The following PM20D2 variants were observed in gnomAD, a reference collection of about 807,000 sequenced individuals.
PM20D2 encodes peptidase M20 domain containing 2, also known as xaa-Arg dipeptidase.
PM20D2 carries 33 observed loss-of-function variants against 42.9 expected under a neutral mutation model. That is an observed-to-expected ratio of 0.77 (90% CI 0.58 to 1.03). The LOEUF (loss-of-function observed/expected upper bound fraction) is 1.03. Among genes scored for constraint, PM20D2 ranks in the 50% least tolerant of loss-of-function variants. The pLI, the probability that PM20D2 is intolerant of heterozygous loss-of-function variation, is 0.00. For synonymous variants in PM20D2, 250 were observed against 228.2 expected, an observed-to-expected ratio of 1.10 and a Z score of -0.86; for missense variants, 548 against 557.0, an observed-to-expected ratio of 0.98 and a Z score of 0.16.
intron 5 of PM20D2, among the ~76,000 whole-genome samples, chr6:89,161,181 T>G (rs1008455007): frequency 6.6e-6 from 1 of 152,120 alleles, no homozygotes; most frequent in Non-Finnish European, 1.5e-5. Context: ...ATCATGAGTT[T>G]GACTTTAGAT....
At chr6:89,151,325 G>C (rs1278728056) in intron 2 of PM20D2, among the ~76,000 whole-genome samples, 2 of 151,398 alleles carry the variant, frequency 1.3e-5, no homozygotes, top group Non-Finnish European at 2.9e-5. Context: ...CCGCCTCTGG[G>C]TTCAAGGGAT....
In PM20D2 at chr6:89,149,303, T is replaced by G. The variant is rs897718019; in HGVS notation, c.504T>G (p.Gly168=). The G allele has an allele frequency of 8.1e-6, 13 of 1,614,092 alleles. No individual in the cohort carries two copies. Among genetic ancestry groups the G allele is most frequent in the Non-Finnish European group, 1.1e-5 (13 of 1,179,970 alleles). The part of the protein sequence containing the change: ...VLGTPAEEDG[G]GKIDLIEAGA... ...GAACCCCTGCAGAAGAAGATGGTGG[T>G]GGCAAAATTGATTTAATTGAAGCAG... is the stretch of plus-strand genomic sequence containing the variant. Residue 168 remains glycine (G), a synonymous_variant, in exon 2 of 7, where the codon GGT becomes GGG. Transcript: ENST00000275072.
the PM20D2 span, among the ~76,000 whole-genome samples, chr6:89,108,294 CCTTACAACCA>C: frequency 2.6e-5 from 4 of 152,306 alleles, no homozygotes; most frequent in East Asian, 7.7e-4. Context: ...CCAGTGTTCA[CCTTACAACCA>C]CTTAATTCTT....
the PM20D2 span, among the ~76,000 whole-genome samples, chr6:89,108,901 T>A: frequency 1.3e-5 from 2 of 152,236 alleles, no homozygotes; most frequent in Admixed American, 1.3e-4. Context: ...GCATCTACTT[T>A]TTGCCAGTAG....
At chr6:89,160,391 A>G (rs1327442498) in intron 5 of PM20D2, among the ~76,000 whole-genome samples, 1 of 152,196 alleles carries the variant, frequency 6.6e-6, no homozygotes, top group Non-Finnish European at 1.5e-5. Flanking sequence ...AATACATACA[A>G]AGCACTTAGG....
At chr6:89,118,970 G>C in the PM20D2 span, among the ~76,000 whole-genome samples, 1 of 152,222 alleles carries the variant, frequency 6.6e-6, no homozygotes, top group Non-Finnish European at 1.5e-5. Context: ...GGCACAGCCT[G>C]TTATTCAGGG....
At chr6:89,156,392 C>T (rs1368162728) in intron 4 of PM20D2, among the ~76,000 whole-genome samples, 3 of 152,102 alleles carry the variant, frequency 2.0e-5, no homozygotes, top group Non-Finnish European at 4.4e-5. Flanking sequence ...CATTTTCTTG[C>T]TTGAAAAATG....
intron 5 of PM20D2, among the ~76,000 whole-genome samples, chr6:89,159,004 A>G (rs536372224): frequency 2.0e-5 from 3 of 152,146 alleles, no homozygotes; most frequent in Non-Finnish European, 4.4e-5. Context: ...GGTGGTGAAA[A>G]TGGGGTGTCG....
intron 1 of PM20D2, among the ~76,000 whole-genome samples, chr6:89,147,135 G>C (rs1207336071): frequency 6.6e-6 from 1 of 152,166 alleles, no homozygotes; most frequent in African/African-American, 2.4e-5. Context: ...ACCCCTAGAA[G>C]TATACAAATA....
chr6:89,142,672 T>A (rs1024504917), upstream of PM20D2, among the ~76,000 whole-genome samples: 7 of 151,862 alleles, frequency 4.6e-5, no homozygotes, highest in African/African-American at 1.4e-4. Context: ...TATTATTATT[T>A]TTTGAGACGG....
chr6:89,125,968 C>A, the PM20D2 span, among the ~76,000 whole-genome samples: 285 of 152,040 alleles, frequency 1.9e-3, 3 homozygotes, highest in African/African-American at 6.2e-3. Flanking sequence ...TGCCTGTAGC[C>A]CCAGCTACTT....
the PM20D2 span, among the ~76,000 whole-genome samples, chr6:89,104,210 T>TAAAACTC: frequency 1.3e-5 from 2 of 148,412 alleles, no homozygotes; most frequent in Admixed American, 6.9e-5. Flanking sequence ...TTTATTTATC[T>TAAAACTC]AAAACTCATC....
chr6:89,098,892 G>A, the PM20D2 span: 5 of 1,613,852 alleles, frequency 3.1e-6, no homozygotes, highest in Non-Finnish European at 4.2e-6. Flanking sequence ...GACCGCCTTG[G>A]TAATGATTTG....
At chr6:89,128,016 C>G in the PM20D2 span, among the ~76,000 whole-genome samples, 1 of 152,212 alleles carries the variant, frequency 6.6e-6, no homozygotes, top group South Asian at 2.1e-4. Context: ...GATTGTAAAA[C>G]GTGTGTTTGA....
the PM20D2 span, among the ~76,000 whole-genome samples, chr6:89,137,901 G>C: frequency 6.6e-6 from 1 of 151,884 alleles, no homozygotes; most frequent in Admixed American, 6.6e-5. Context: ...ATAAACCATT[G>C]GACATTCCAG....
intron 5 of PM20D2, among the ~76,000 whole-genome samples, chr6:89,161,176 GA>G (rs1282997388): frequency 6.6e-6 from 1 of 152,158 alleles, no homozygotes; most frequent in East Asian, 1.9e-4. Context: ...GAAAGATCAT[GA>G]GTTTGACTTT....
At chr6:89,119,668 G>T in the PM20D2 span, among the ~76,000 whole-genome samples, 4 of 152,200 alleles carry the variant, frequency 2.6e-5, no homozygotes, top group African/African-American at 9.6e-5. Flanking sequence ...TGTCCGCAGG[G>T]CCATCATCTA....
chr6:89,146,177 G>A lies in PM20D2; in HGVS notation c.33G>A (p.Gly11=). 3.9e-6 allele frequency: 6 copies of A among 1,530,878 alleles called. No individual in the cohort carries two copies. Among genetic ancestry groups the A allele is most frequent in the Non-Finnish European group, 5.2e-6 (6 of 1,146,584 alleles). 94.8% of individuals were successfully genotyped at this position (1,530,878 alleles called of 1,614,324 possible). MRPGGERPVE[G]GACNGRSELE... ...CCGGAGGGGAGCGGCCCGTGGAAGG[G>A]GGCGCGTGCAATGGCCGCTCCGAGC... Residue 11 remains glycine (G), a synonymous_variant, in exon 1 of 7, where the codon GGG becomes GGA. Transcript: ENST00000275072.
chr6:89,154,737 T>A lies in PM20D2; in HGVS notation c.758-11T>A. 6.7e-7 allele frequency: 1 copy of A among 1,486,448 alleles called. No homozygotes were observed. Among genetic ancestry groups the A allele is most frequent in the South Asian group, 1.4e-5 (1 of 73,504 alleles). The allele number at this position is 1,486,448 out of a possible 1,614,324, so 92.1% of individuals were successfully genotyped here. A position where few individuals can be genotyped will look rare whatever the true frequency, so the allele number is the denominator to read the frequency against. On this transcript the variant is annotated splice_polypyrimidine_tract_variant and intron_variant, in intron 3 of 6. Transcript: ENST00000275072. ...CCAAGCTTAATTCTAGTAATTTGGT[T>A]CTTTTTATAGGTATAATAAAAAATG...
Sources: allele counts gnomAD v4.1 joint callset (sites outside exome capture counted in the v4.1 genomes callset), GRCh38; gene constraint gnomAD v4.1.1; transcripts MANE v1.5; gene names NCBI Gene and HGNC (gene_info 2026-07-23, HGNC 2026-07-21).